The following STRAP variants were observed in gnomAD, a reference collection of about 807,000 sequenced individuals.
STRAP encodes the protein serine/threonine kinase receptor associated protein.
A neutral mutation model predicts 47.0 loss-of-function variants in STRAP; 16 were observed. The observed-to-expected ratio is 0.34, with a 90% confidence interval of 0.23 to 0.52. The LOEUF (loss-of-function observed/expected upper bound fraction) is 0.52. Ranked by LOEUF, STRAP falls within the 20% of genes least tolerant of loss-of-function variation. The pLI, the probability that STRAP is intolerant of heterozygous loss-of-function variation, is 0.96. For synonymous variants in STRAP, 130 were observed against 142.7 expected (o/e 0.91, Z 0.63); for missense variants, 293 against 420.0 (o/e 0.70, Z 2.64).
rs577673904 is a variant in STRAP, at chr12:15,884,775, C to T, written c.248+1099C>T. On this transcript the variant is annotated intron_variant, in intron 2 of 9. Transcript: ENST00000419869. The stretch of plus-strand genomic sequence containing the variant: ...TATTGGTGTTTTTTTATTTTTCTTT[C>T]TTCCTTTTCTTTCCTGATGTGCAGT... Among the ~76,000 whole-genome samples, 69 of 152,048 alleles carry T rather than the reference C, an allele frequency of 4.5e-4. 1 individual carries two copies. Among genetic ancestry groups the T allele is most frequent in the African/African-American group, 1.5e-3 (64 of 41,478 alleles).
chr12:15,889,485 GGTTTT>G (rs908577936), intron 2 of STRAP, among the ~76,000 whole-genome samples: 3 of 151,926 alleles, frequency 2.0e-5, no homozygotes, highest in African/African-American at 7.3e-5. Context: ...AAGGATTTCT[GGTTTT>G]TTTATTTATT....
chr12:15,890,069 C>G lies in STRAP; in HGVS notation c.330+60C>G, dbSNP rs1406813000. The G allele has an allele frequency of 1.0e-5, 14 of 1,376,326 alleles. No homozygotes were observed. The highest frequency in any genetic ancestry group is 1.8e-4 in the Middle Eastern group (1 of 5,596). The allele number at this position is 1,376,326 out of a possible 1,614,324, so 85.3% of individuals were successfully genotyped here. A position where few individuals can be genotyped will look rare whatever the true frequency, so the allele number is the denominator to read the frequency against. ...GTTGCTGGTACATAGTGTGATAATG[C>G]TTTTATACTTGATTGGTGTGTATAT... On this transcript the variant is annotated intron_variant, in intron 3 of 9. Coordinates refer to ENST00000419869, the MANE Select transcript of STRAP (RefSeq NM_007178.4). This position sits in a 1 kb window ranked among gnomAD's most constrained non-coding sequence, Gnocchi z 4.5.
chr12:15,893,907 C>G, intron 4 of STRAP, 140 bp from the exon 5 acceptor site: 2 of 651,710 alleles, frequency 3.1e-6, no homozygotes, highest in Non-Finnish European at 5.3e-6. Flanking sequence ...ATATAAACAT[C>G]AAGTTTGAAT....
chr12:15,895,070 A>G (rs1028564269), intron 5 of STRAP, among the ~76,000 whole-genome samples: 3 of 152,232 alleles, frequency 2.0e-5, no homozygotes, highest in African/African-American at 4.8e-5. Flanking sequence ...ATTTATAGCA[A>G]TGCTGAAATT....
Position 15,896,258 on chromosome 12 carries a change from A to T in STRAP, c.638+762A>T, listed in dbSNP as rs1948059152. 5.3e-5 allele frequency among the ~76,000 whole-genome samples: 8 copies of T among 152,234 alleles called. No homozygotes were observed. In the South Asian group the frequency reaches 1.7e-3, roughly 32 times the overall value. The stretch of plus-strand genomic sequence containing the variant: ...CAAAAAAAACAAAAAACAAAAAAAC[A>T]GTGTGATCTTGATTCTACTATTTAT... On this transcript the variant is annotated intron_variant, in intron 6 of 9. Transcript: ENST00000419869. The surrounding 1 kb of genome is among the most constrained non-coding windows in gnomAD (Gnocchi z 4.1).
At chr12:15,902,742 A>G (rs1275332891) in intron 9 of STRAP, among the ~76,000 whole-genome samples, 175 bp from the exon 10 acceptor site, 2 of 152,140 alleles carry the variant, frequency 1.3e-5, no homozygotes, top group African/African-American at 2.4e-5. Flanking sequence ...TGCCTTTTCA[A>G]TGACATGAGT....
rs1345580685 is a variant in STRAP at position 15,883,105 on chromosome 12, ACT to A, written c.112+290_112+291del. ...AAGGAGCTGGTCAGCATTTGCCTAGACTCTCGGGACAACACGGTAAATAGCTT... is the reference window on the plus strand; with the variant it reads ...AAGGAGCTGGTCAGCATTTGCCTAGACTCGGGACAACACGGTAAATAGCTT... On this transcript the variant is annotated intron_variant, in intron 1 of 9. Coordinates refer to ENST00000419869, the MANE Select transcript of STRAP (RefSeq NM_007178.4). 9 of 1,535,584 alleles carry A rather than the reference ACT, an allele frequency of 5.9e-6. 1 individual carries two copies. The Admixed American group carries it at 1.2e-4, about 20-fold the overall frequency.
At chr12:15,883,317 T>A (rs1269323822) in intron 1 of STRAP, among the ~76,000 whole-genome samples, 1 of 152,216 alleles carries the variant, frequency 6.6e-6, no homozygotes, top group Non-Finnish European at 1.5e-5. Flanking sequence ...CGCAGATCAG[T>A]ATTCCCAGCC....
intron 1 of STRAP, 82 bp downstream of exon 1, chr12:15,882,901 C>A: frequency 6.9e-7 from 1 of 1,458,630 alleles, no homozygotes; most frequent in Non-Finnish European, 9.4e-7. Flanking sequence ...AGTGCCGAAG[C>A]GGTGGTGTGG....
rs562122884 is a variant in STRAP at position 15,901,098 on chromosome 12, A to C, written c.991+86A>C. The stretch of plus-strand genomic sequence containing the variant: ...AGAAGTTTTACTCATTGGCAGAAGA[A>C]ATTTATTAAATATGAACATATTTAA... On this transcript the variant is annotated intron_variant, in intron 9 of 9. Coordinates refer to ENST00000419869, the MANE Select transcript of STRAP (RefSeq NM_007178.4). 101 of 934,938 alleles carry C rather than the reference A, an allele frequency of 1.1e-4. No homozygotes were observed. The South Asian group carries it at 2.2e-3, about 20-fold the overall frequency. 57.9% of individuals were successfully genotyped at this position (934,938 alleles called of 1,614,324 possible).
At chr12:15,892,441 C>A (rs1051771952) in intron 4 of STRAP, among the ~76,000 whole-genome samples, 9 of 151,962 alleles carry the variant, frequency 5.9e-5, no homozygotes, top group African/African-American at 2.2e-4. Flanking sequence ...TACTTAGCTA[C>A]CAAAACATGA....
Position 15,886,615 on chromosome 12 carries a change from A to G in STRAP, c.248+2939A>G, listed in dbSNP as rs112693670. Among the ~76,000 whole-genome samples, 7 of 152,128 alleles carry G rather than the reference A, an allele frequency of 4.6e-5. No individual in the cohort carries two copies. In the South Asian group the frequency reaches 1.2e-3, roughly 27 times the overall value. ...TTGAGATTTATCCCTCATTTCCTCT[A>G]TGTCTTGTCTGTGGGGTGTAGGAGC... On this transcript the variant is annotated intron_variant, in intron 2 of 9. Coordinates refer to ENST00000419869, the MANE Select transcript of STRAP (RefSeq NM_007178.4).
intron 2 of STRAP, among the ~76,000 whole-genome samples, chr12:15,888,667 C>T (rs16911389): frequency 0.011 from 1,640 of 152,140 alleles, 19 homozygotes; most frequent in African/African-American, 0.035. Context: ...CTTCTTCCGA[C>T]GGCTAGCTCT....
intron 4 of STRAP, among the ~76,000 whole-genome samples, chr12:15,892,134 T>C (rs1948021083): frequency 6.6e-6 from 1 of 152,204 alleles, no homozygotes. Context: ...ATTAAAATGC[T>C]ATTGAATACC....
chr12:15,900,402 T>C (rs548112502), intron 8 of STRAP, among the ~76,000 whole-genome samples: 3 of 151,972 alleles, frequency 2.0e-5, no homozygotes, highest in Admixed American at 2.0e-4. Flanking sequence ...TGGTGGTACA[T>C]GCCTGTAATC....
Position 15,890,324 on chromosome 12 carries a change from C to G in STRAP, c.331-273C>G, listed in dbSNP as rs1948004538. On this transcript the variant is annotated intron_variant, in intron 3 of 9. Coordinates refer to ENST00000419869, the MANE Select transcript of STRAP (RefSeq NM_007178.4). The surrounding 1 kb of genome is among the most constrained non-coding windows in gnomAD (Gnocchi z 4.5). ...AAATTTGAGATAATCAGAAAAGGGC[C>G]TCTCACAAGGGAGAGGAGTAGGATC... Among the ~76,000 whole-genome samples, 1 of 152,102 alleles carries G rather than the reference C, an allele frequency of 6.6e-6. No individual in the cohort carries two copies. The highest frequency in any genetic ancestry group is 1.5e-5 in the Non-Finnish European group (1 of 68,020).
chr12:15,892,723 A>G (rs572675097), intron 4 of STRAP, among the ~76,000 whole-genome samples: 1 of 152,326 alleles, frequency 6.6e-6, no homozygotes, highest in South Asian at 2.1e-4. Flanking sequence ...CATTGCATGT[A>G]GAAGTTTTTT....
intron 1 of STRAP, 146 bp from the exon 2 acceptor site, chr12:15,883,395 T>C: frequency 1.1e-6 from 1 of 895,638 alleles, no homozygotes; most frequent in Non-Finnish European, 1.7e-6. Context: ...TGCACATTCC[T>C]TAGTGCCTTC....
intron 9 of STRAP, among the ~76,000 whole-genome samples, chr12:15,902,351 T>C (rs888743853): frequency 5.9e-5 from 9 of 152,116 alleles, no homozygotes; most frequent in African/African-American, 2.2e-4. Context: ...GTTAGACTTG[T>C]TAGAATTGTG....
Sources: allele counts gnomAD v4.1 joint callset (sites outside exome capture counted in the v4.1 genomes callset), GRCh38; gene constraint gnomAD v4.1.1; non-coding constraint Gnocchi (gnomAD v3.1); transcripts MANE v1.5; gene names NCBI Gene and HGNC (gene_info 2026-07-23, HGNC 2026-07-21).